SBSPON: variants seen among roughly 807,000 people sequenced by gnomAD.
The protein encoded by SBSPON is somatomedin-B and thrombospondin type-1 domain-containing protein.
A neutral mutation model predicts 35.8 loss-of-function variants in SBSPON; 30 were observed. The observed-to-expected ratio is 0.84, with a 90% CI of 0.63 to 1.14. The LOEUF (loss-of-function observed/expected upper bound fraction) is 1.14, where lower values mean the gene tolerates loss of function less well. Among genes scored for constraint, SBSPON ranks in the 50% most tolerant of loss-of-function variants. SBSPON has a pLI of 0.00. For missense variants in SBSPON, 364 were observed against 357.7 expected (o/e 1.02, Z -0.14); for synonymous variants, 136 against 135.9 (o/e 1.00, Z 0.00).
chr8:73,090,008 TA>T (rs1810901993), intron 1 of SBSPON, among the ~76,000 whole-genome samples: 1 of 152,158 alleles, frequency 6.6e-6, no homozygotes, highest in Non-Finnish European at 1.5e-5. Flanking sequence ...GCCTTCTGGG[TA>T]GCTAGGACTA....
chr8:73,083,105 G>T (rs140906011), intron 1 of SBSPON, among the ~76,000 whole-genome samples: 9 of 152,274 alleles, frequency 5.9e-5, no homozygotes, highest in African/African-American at 2.2e-4. Flanking sequence ...CGTCATATGT[G>T]TCTCTTGTCT....
intron 1 of SBSPON, among the ~76,000 whole-genome samples, chr8:73,089,793 TGCCAG>T (rs1810897939): frequency 2.0e-5 from 3 of 152,204 alleles, no homozygotes; most frequent in Non-Finnish European, 4.4e-5. Context: ...GTCTACCACA[TGCCAG>T]GTGCAGTGCT....
chr8:73,085,623 C>T (rs1810808191), intron 1 of SBSPON: 1 of 150,616 alleles, frequency 6.6e-6, no homozygotes, highest in African/African-American at 2.4e-5. Flanking sequence ...GGTCTGTTCG[C>T]AGCTCGAGGA....
intron 2 of SBSPON, 111 bp from the exon 3 acceptor site, chr8:73,071,981 C>T (rs1810502070): frequency 2.9e-6 from 2 of 687,912 alleles, no homozygotes; most frequent in Non-Finnish European, 5.3e-6. Flanking sequence ...ACTCACAGGG[C>T]TACGGCACAC....
chr8:73,091,812 C>T lies in SBSPON; in HGVS notation c.214+1042G>A, dbSNP rs146870898. Among the ~76,000 whole-genome samples, 18 of 152,338 alleles carry T rather than the reference C, an allele frequency of 1.2e-4. No individual in the cohort carries two copies. The East Asian group carries it at 1.5e-3, about 13-fold the overall frequency. On this transcript the variant is annotated intron_variant, in intron 1 of 4. Coordinates refer to ENST00000297354, the MANE Select transcript of SBSPON (RefSeq NM_153225.4). The stretch of plus-strand genomic sequence containing the variant: ...GTTCTTTCAGCATCGGGCCTGGCCA[C>T]GGGTTGAAGCCCTCTTCAAACAGCA...
Position 73,092,970 on chromosome 8 carries a change from TCCCGGCCGGGACAGCAGCG to T in SBSPON, c.79_97del (p.Arg27ThrfsTer109). The T allele has an allele frequency of 6.3e-7, 1 of 1,592,912 alleles. No homozygotes were observed. The highest frequency in any genetic ancestry group is 2.3e-5 in the East Asian group (1 of 42,974). ...CCAGCCGCGGGCGAAGCAGGCGGGGTCCCGGCCGGGACAGCAGCGCCCGGCCTCGGCGCAGCCGGCCTGG... is the reference window on the plus strand; with the variant it reads ...CCAGCCGCGGGCGAAGCAGGCGGGGTCCCGGCCTCGGCGCAGCCGGCCTGG... On this transcript the variant is annotated frameshift_variant, in exon 1 of 5. Coordinates refer to ENST00000297354, the MANE Select transcript of SBSPON (RefSeq NM_153225.4). LOFTEE classifies it high-confidence loss of function.
intron 1 of SBSPON, among the ~76,000 whole-genome samples, chr8:73,091,579 G>A (rs1050907253): frequency 3.3e-5 from 5 of 152,170 alleles, no homozygotes; most frequent in African/African-American, 1.2e-4. Context: ...AGGATGCTGT[G>A]AGGAGGGGCT....
rs532249371 is a variant in SBSPON at position 73,073,121 on chromosome 8, T to C, written c.410-1251A>G. On this transcript the variant is annotated intron_variant, in intron 2 of 4. Coordinates refer to ENST00000297354, the MANE Select transcript of SBSPON (RefSeq NM_153225.4). ...TTGTCCATCACTATAGCTTCACACA[T>C]TTACACACTCAATAAATATTTGTGC... is the stretch of plus-strand genomic sequence containing the variant. Among the ~76,000 whole-genome samples the C allele has an allele frequency of 8.5e-5, 13 of 152,310 alleles. No homozygotes were observed. The South Asian group carries it at 2.7e-3, about 32-fold the overall frequency.
chr8:73,085,297 A>T (rs1483858696), intron 1 of SBSPON, among the ~76,000 whole-genome samples: 1 of 152,098 alleles, frequency 6.6e-6, no homozygotes, highest in Non-Finnish European at 1.5e-5. Flanking sequence ...ATCCATTCTG[A>T]TCTATTTATA....
chr8:73,077,713 G>A (rs1156631568), intron 2 of SBSPON, among the ~76,000 whole-genome samples: 8 of 152,228 alleles, frequency 5.3e-5, no homozygotes, highest in Admixed American at 2.6e-4. Context: ...GGATGTTTAC[G>A]TGATTGCCTC....
chr8:73,074,673 G>C, intron 2 of SBSPON: 2 of 582,062 alleles, frequency 3.4e-6, no homozygotes, highest in East Asian at 1.5e-4. Flanking sequence ...TTCCCTTTCT[G>C]TCACGAATCA....
chr8:73,072,506 T>G (rs1345709054), intron 2 of SBSPON, among the ~76,000 whole-genome samples: 1 of 152,056 alleles, frequency 6.6e-6, no homozygotes, highest in African/African-American at 2.4e-5. Flanking sequence ...CTGTCTCTAC[T>G]AAAAATACAA....
intron 2 of SBSPON, among the ~76,000 whole-genome samples, chr8:73,072,100 T>C (rs1021147923): frequency 2.6e-5 from 4 of 151,270 alleles, no homozygotes; most frequent in Non-Finnish European, 4.4e-5. Flanking sequence ...TTGTCTGCAG[T>C]AATAAAACTG....
At chr8:73,074,695 G>T in intron 2 of SBSPON, 2 of 393,192 alleles carry the variant, frequency 5.1e-6, no homozygotes, top group Non-Finnish European at 6.9e-6. Flanking sequence ...TATGCTCTAT[G>T]TGAAGTCAGA....
At position 73,087,306 on chromosome 8, in the gene SBSPON, T is replaced by C. The variant is rs144915423; in HGVS notation, c.214+5548A>G. Among the ~76,000 whole-genome samples, 25 of 152,316 alleles carry C rather than the reference T, an allele frequency of 1.6e-4. No individual in the cohort carries two copies. In the East Asian group the frequency reaches 4.6e-3, roughly 28 times the overall value. On this transcript the variant is annotated intron_variant, in intron 1 of 4. Coordinates refer to ENST00000297354, the MANE Select transcript of SBSPON (RefSeq NM_153225.4). ...GTTACCCAACCTGTCTGTGCCTTGC[T>C]TACCTCGTATGTAAAACGAGACCAA...
rs567542623 is a variant in SBSPON, at chr8:73,077,849, A to G, written c.409+3170T>C. Among the ~76,000 whole-genome samples the G allele has an allele frequency of 2.6e-5, 4 of 152,330 alleles. No individual in the cohort carries two copies. In the East Asian group the frequency reaches 7.7e-4, roughly 29 times the overall value. On this transcript the variant is annotated intron_variant, in intron 2 of 4. Coordinates refer to ENST00000297354, the MANE Select transcript of SBSPON (RefSeq NM_153225.4). ...ATATGATCAAATTAAGTGGGAAGAC[A>G]CTGCAAATCCTCTCTCTCTCTTATG...
Position 73,093,022 on chromosome 8 carries a change from G to A in SBSPON, c.46C>T (p.Pro16Ser). Residue 16 changes from proline to serine, a missense_variant, in exon 1 of 5, where the codon CCC (proline) becomes TCC (serine). Transcript: ENST00000297354. ...MALCALSRLW[P>S]GAQAGCAEAG... ...TCGGCGCAGCCGGCCTGGGCCCCGG[G>A]CCACAGCCGCGACAGCGCGCACAGC... is the stretch of plus-strand genomic sequence containing the variant. 1.4e-6 allele frequency: 2 copies of A among 1,402,332 alleles called. No individual in the cohort carries two copies. The highest frequency in any genetic ancestry group is 1.8e-6 in the Non-Finnish European group (2 of 1,084,990). 86.9% of individuals were successfully genotyped at this position (1,402,332 alleles called of 1,614,324 possible).
intron 2 of SBSPON, among the ~76,000 whole-genome samples, chr8:73,076,011 T>C (rs758582373): frequency 3.9e-5 from 6 of 152,210 alleles, no homozygotes; most frequent in Non-Finnish European, 7.3e-5. Context: ...CATGTTTCCT[T>C]CACTAGCTTC....
At chr8:73,077,334 G>A (rs1461416915) in intron 2 of SBSPON, among the ~76,000 whole-genome samples, 1 of 152,242 alleles carries the variant, frequency 6.6e-6, no homozygotes, top group African/African-American at 2.4e-5. Context: ...TCTCTGCTAT[G>A]CAAACATGAG....
Sources: allele counts gnomAD v4.1 joint callset (sites outside exome capture counted in the v4.1 genomes callset), GRCh38; gene constraint gnomAD v4.1.1; transcripts MANE v1.5; gene names NCBI Gene and HGNC (gene_info 2026-07-23, HGNC 2026-07-21).